The following ATXN7L1 variants were observed in gnomAD, a reference collection of about 807,000 sequenced individuals.
The protein encoded by ATXN7L1 is ataxin 7 like 1, also known as ataxin-7-like protein 1.
In ATXN7L1, 15 loss-of-function variants were observed where a neutral mutation model predicts 70.8. The ratio of observed to expected loss-of-function variants is 0.21; its 90% CI spans 0.14 to 0.33. The LOEUF (loss-of-function observed/expected upper bound fraction) is 0.33. Ranked by LOEUF, ATXN7L1 falls within the 10% of genes least tolerant of loss-of-function variation. ATXN7L1 has a pLI of 1.00. For missense variants in ATXN7L1, 975 were observed against 1,097.1 expected, an observed-to-expected ratio of 0.89 and a Z score of 1.57; for synonymous variants, 440 against 445.1, an observed-to-expected ratio of 0.99 and a Z score of 0.14.
chr7:105,781,125 T>C (rs1803462865), intron 3 of ATXN7L1, among the ~76,000 whole-genome samples: 2 of 152,146 alleles, frequency 1.3e-5, no homozygotes, highest in South Asian at 2.1e-4. Flanking sequence ...CAACATCTTA[T>C]AGTAAGACAC....
At chr7:105,610,691 G>C (rs1793068183) in intron 10 of ATXN7L1, 88 bp from the exon 11 acceptor site, 1 of 1,058,750 alleles carries the variant, frequency 9.4e-7, no homozygotes, top group Non-Finnish European at 1.4e-6. Flanking sequence ...GGAAAGAAGG[G>C]CTGCACAATG....
At chr7:105,756,448 C>A in intron 3 of ATXN7L1, among the ~76,000 whole-genome samples, 1 of 152,134 alleles carries the variant, frequency 6.6e-6, no homozygotes, top group East Asian at 1.9e-4. Flanking sequence ...CTCTTTAATG[C>A]CTTTCAATAT....
At chr7:105,796,809 C>G (rs987404396) in intron 2 of ATXN7L1, among the ~76,000 whole-genome samples, 3 of 152,190 alleles carry the variant, frequency 2.0e-5, no homozygotes, top group African/African-American at 7.2e-5. Flanking sequence ...AGATGTTTCT[C>G]CTTTGCTCTG....
intron 5 of ATXN7L1, among the ~76,000 whole-genome samples, chr7:105,640,994 A>G (rs532803706): frequency 6.6e-6 from 1 of 152,240 alleles, no homozygotes; most frequent in Non-Finnish European, 1.5e-5. Context: ...AAATTGGTGG[A>G]GTAAACTCCG....
intron 4 of ATXN7L1, among the ~76,000 whole-genome samples, chr7:105,645,849 A>AACG (rs1584491441): frequency 1.3e-5 from 2 of 150,630 alleles, no homozygotes; most frequent in East Asian, 4.0e-4. Context: ...ACAAACAAAC[A>AACG]AACAGAAATT....
At chr7:105,869,850 A>G (rs1263295652) in intron 2 of ATXN7L1, among the ~76,000 whole-genome samples, 1 of 152,208 alleles carries the variant, frequency 6.6e-6, no homozygotes, top group East Asian at 1.9e-4. Context: ...ATCATTGAAA[A>G]AAGTTTTTTA....
intron 3 of ATXN7L1, among the ~76,000 whole-genome samples, chr7:105,692,776 C>T (rs1033358104): frequency 1.3e-5 from 2 of 152,054 alleles, no homozygotes; most frequent in African/African-American, 2.4e-5. Context: ...TTTGCTCTGC[C>T]ACCCAGGCTG....
At chr7:105,837,217 C>A (rs752881702) in intron 2 of ATXN7L1, among the ~76,000 whole-genome samples, 3 of 152,026 alleles carry the variant, frequency 2.0e-5, no homozygotes, top group African/African-American at 7.2e-5. Context: ...CCCACCAGGC[C>A]CCACCTCCAA....
At chr7:105,666,533 G>T (rs1045762023) in intron 3 of ATXN7L1, among the ~76,000 whole-genome samples, 2 of 152,216 alleles carry the variant, frequency 1.3e-5, no homozygotes, top group African/African-American at 2.4e-5. Context: ...GGCCAGCTGC[G>T]ACAGGAGTCT....
chr7:105,818,289 C>T (rs183786738), intron 2 of ATXN7L1, among the ~76,000 whole-genome samples: 2 of 152,300 alleles, frequency 1.3e-5, no homozygotes, highest in East Asian at 3.9e-4. Context: ...CCTGCCTCAG[C>T]CTCCTGAGTG....
At chr7:105,619,910 T>C (rs1794680275) in intron 9 of ATXN7L1, among the ~76,000 whole-genome samples, 1 of 152,010 alleles carries the variant, frequency 6.6e-6, no homozygotes, top group South Asian at 2.1e-4. Flanking sequence ...AAAGGCCCTT[T>C]AACTTAGGTA....
intron 10 of ATXN7L1, among the ~76,000 whole-genome samples, chr7:105,612,347 G>A (rs1404627720): frequency 1.3e-5 from 2 of 152,206 alleles, no homozygotes; most frequent in South Asian, 2.1e-4. Flanking sequence ...CATCATCTAC[G>A]TGTTAGCTGC....
intron 3 of ATXN7L1, among the ~76,000 whole-genome samples, chr7:105,677,037 C>G (rs1038580415): frequency 6.6e-6 from 1 of 152,236 alleles, no homozygotes; most frequent in African/African-American, 2.4e-5. Context: ...TGCCAGGCCC[C>G]GTGGAGGGAG....
chr7:105,797,433 T>G (rs546569741), intron 2 of ATXN7L1, among the ~76,000 whole-genome samples: 3 of 152,260 alleles, frequency 2.0e-5, no homozygotes, highest in African/African-American at 7.2e-5. Flanking sequence ...ATTCAAGATG[T>G]ATGGAGGCGA....
chr7:105,706,544 ACAC>A (rs748288595), intron 3 of ATXN7L1, among the ~76,000 whole-genome samples: 2 of 152,074 alleles, frequency 1.3e-5, no homozygotes, highest in East Asian at 1.9e-4. Context: ...ACAGCAAAAA[ACAC>A]CACCACCACC....
chr7:105,779,076 T>A (rs1341213574), intron 3 of ATXN7L1, among the ~76,000 whole-genome samples: 1 of 152,216 alleles, frequency 6.6e-6, no homozygotes, highest in African/African-American at 2.4e-5. Context: ...TTAGTTATGG[T>A]ATTGCAGCGA....
intron 2 of ATXN7L1, among the ~76,000 whole-genome samples, chr7:105,864,391 G>A (rs533686588): frequency 1.4e-5 from 2 of 143,602 alleles, no homozygotes; most frequent in Admixed American, 1.5e-4. Flanking sequence ...CCTGGAGATC[G>A]ACGCTGCAGT....
At chr7:105,820,391 G>A (rs959908518) in intron 2 of ATXN7L1, among the ~76,000 whole-genome samples, 1 of 152,168 alleles carries the variant, frequency 6.6e-6, no homozygotes, top group Non-Finnish European at 1.5e-5. Context: ...TGTGGGATGG[G>A]TATGAGGTGA....
At chr7:105,674,473 T>A (rs557013916) in intron 3 of ATXN7L1, among the ~76,000 whole-genome samples, 1 of 152,212 alleles carries the variant, frequency 6.6e-6, no homozygotes, top group Admixed American at 6.5e-5. Flanking sequence ...TACTATTATT[T>A]TTTTTTCTTC....
Sources: gnomAD v4.1 joint callset for allele counts (sites outside exome capture counted in the v4.1 genomes callset) on GRCh38, gnomAD v4.1.1 for gene constraint, MANE v1.5 for transcripts, NCBI Gene and HGNC (gene_info 2026-07-23, HGNC 2026-07-21) for gene names.